The following CACNB4 variants were observed in gnomAD, a reference collection of about 807,000 sequenced individuals.
CACNB4 encodes the protein voltage-dependent L-type calcium channel subunit beta-4.
In CACNB4, 32 loss-of-function variants were observed where a neutral mutation model predicts 71.2. The ratio of observed to expected loss-of-function variants is 0.45; its 90% CI spans 0.34 to 0.60. The LOEUF (loss-of-function observed/expected upper bound fraction) is 0.60. CACNB4 is among the 20% of genes least tolerant of loss of function. The pLI is 0.01. For synonymous variants in CACNB4, 231 were observed against 236.9 expected (o/e 0.97, Z 0.23); for missense variants, 464 against 647.9 (o/e 0.72, Z 3.08).
At chr2:152,054,922 T>C (rs1685647259) in intron 2 of CACNB4, among the ~76,000 whole-genome samples, 1 of 152,186 alleles carries the variant, frequency 6.6e-6, no homozygotes, top group Middle Eastern at 3.2e-3. Flanking sequence ...AAACGTCTTT[T>C]CTACTGAGTC....
At chr2:151,937,656 G>A (rs114638653) in intron 2 of CACNB4, among the ~76,000 whole-genome samples, 8 of 152,296 alleles carry the variant, frequency 5.3e-5, no homozygotes, top group African/African-American at 1.7e-4. Flanking sequence ...GGTCATTCAT[G>A]CTCCCCATTT....
intron 2 of CACNB4, among the ~76,000 whole-genome samples, chr2:152,076,590 C>T (rs998642044): frequency 6.6e-6 from 1 of 152,068 alleles, no homozygotes; most frequent in Non-Finnish European, 1.5e-5. Context: ...ACCCTCAGCC[C>T]TTGAATCATC....
At chr2:151,981,665 A>G (rs1178219087) in intron 2 of CACNB4, among the ~76,000 whole-genome samples, 1 of 152,164 alleles carries the variant, frequency 6.6e-6, no homozygotes, top group Non-Finnish European at 1.5e-5. Flanking sequence ...TATCCCTTAA[A>G]GGCAGGAACT....
chr2:151,958,010 C>G (rs1437921923), intron 2 of CACNB4, among the ~76,000 whole-genome samples: 1 of 152,130 alleles, frequency 6.6e-6, no homozygotes, highest in Non-Finnish European at 1.5e-5. Context: ...GGAATGCTAA[C>G]AGATATTAGT....
chr2:151,932,233 C>A (rs6743872), intron 2 of CACNB4, among the ~76,000 whole-genome samples: 49,373 of 151,468 alleles, frequency 0.33, 10,161 homozygotes, highest in African/African-American at 0.58. Context: ...ACTAAAATTA[C>A]AAATTATAAG....
intron 2 of CACNB4, among the ~76,000 whole-genome samples, chr2:152,068,316 T>C (rs138547100): frequency 1.6e-3 from 240 of 152,286 alleles, no homozygotes; most frequent in African/African-American, 5.6e-3. Context: ...ATGAGGTAGC[T>C]GCCTAACAAG....
Position 151,903,500 on chromosome 2 carries a change from CAGAG to C in CACNB4, c.148-20134_148-20131del. Among the ~76,000 whole-genome samples, 4 of 152,050 alleles carry C rather than the reference CAGAG, an allele frequency of 2.6e-5. No individual in the cohort carries two copies. In the Middle Eastern group the frequency reaches 0.014, roughly 517 times the overall value. ...CGCCACAGCACTCCAGCCTGAGCAG[CAGAG>C]AGAGATTGTCTTAAAAAAAAAATTC... On this transcript the variant is annotated intron_variant, in intron 2 of 13. Transcript: ENST00000539935.
chr2:151,883,750 A>G, intron 2 of CACNB4: 1 of 300,182 alleles, frequency 3.3e-6, no homozygotes, highest in Non-Finnish European at 6.4e-6. Flanking sequence ...GCTTATTACA[A>G]AAGATAAATC....
intron 2 of CACNB4, chr2:151,970,937 C>T (rs2099872354): frequency 6.7e-6 from 1 of 149,234 alleles, no homozygotes; most frequent in Non-Finnish European, 1.5e-5. Context: ...AAAGGCTCCA[C>T]AGGACTCAAG....
At chr2:151,861,249 G>A (rs2099841571) in intron 9 of CACNB4, 1 of 159,214 alleles carries the variant, frequency 6.3e-6, no homozygotes, top group Admixed American at 6.5e-5. Context: ...ATTTAATGAT[G>A]CCAGTCAAAG....
chr2:152,083,439 T>C (rs916989203), intron 2 of CACNB4, among the ~76,000 whole-genome samples: 5 of 152,214 alleles, frequency 3.3e-5, no homozygotes, highest in African/African-American at 9.6e-5. Flanking sequence ...GGAACTATTG[T>C]AAGGAAGCCT....
intron 12 of CACNB4, among the ~76,000 whole-genome samples, chr2:151,847,362 T>C (rs556899928): frequency 2.5e-4 from 38 of 151,866 alleles, no homozygotes; most frequent in African/African-American, 8.9e-4. Context: ...AGACCCTGTC[T>C]CAACAAAACA....
chr2:151,877,404 G>A (rs888173721), intron 4 of CACNB4, among the ~76,000 whole-genome samples: 1 of 152,082 alleles, frequency 6.6e-6, no homozygotes, highest in East Asian at 1.9e-4. Flanking sequence ...ACTAATGTCT[G>A]GTCCTAACCT....
At chr2:152,055,016 T>G (rs2105309093) in intron 2 of CACNB4, among the ~76,000 whole-genome samples, 1 of 152,316 alleles carries the variant, frequency 6.6e-6, no homozygotes, top group South Asian at 2.1e-4. Flanking sequence ...GTGGGTTGTC[T>G]TCTTTTTTGT....
rs1022114186 is a variant in CACNB4, at chr2:151,871,146, G to A, written c.599-285C>T. 70 of 453,242 alleles carry A rather than the reference G, an allele frequency of 1.5e-4. 1 individual carries two copies. The highest frequency in any genetic ancestry group is 8.9e-4 in the African/African-American group (45 of 50,664). The allele number at this position is 453,242 out of a possible 1,614,324, so 28.1% of individuals were successfully genotyped here. On this transcript the variant is annotated intron_variant, in intron 6 of 13. Transcript: ENST00000539935. The stretch of plus-strand genomic sequence containing the variant: ...AGTTGAGAGCAACACTGGAAGTTCC[G>A]GGCCAGCCAATCACCATGGGTTGTT...
chr2:151,880,479 A>C (rs1478696906), intron 4 of CACNB4: 2 of 346,482 alleles, frequency 5.8e-6, no homozygotes, highest in Non-Finnish European at 1.1e-5. Flanking sequence ...ACATTTTCCA[A>C]AGTTGGATCC....
rs2099834726 is a variant in CACNB4 at position 151,835,555 on chromosome 2, A to G, written c.*3564T>C. 6.6e-6 allele frequency: 1 copy of G among 151,940 alleles called. No homozygotes were observed. Among genetic ancestry groups the G allele is most frequent in the African/African-American group, 2.4e-5 (1 of 41,440 alleles). The allele number at this position is 151,940 out of a possible 1,614,324, so 9.4% of individuals were successfully genotyped here. On this transcript the variant is annotated 3_prime_UTR_variant, in exon 14 of 14. Transcript: ENST00000539935. Reference sequence around the variant, plus strand: ...AGCAAATACCAAAATAAAACTGTGTAACTAAGAAAATATATACTAACATGC... The same window carrying G: ...AGCAAATACCAAAATAAAACTGTGTGACTAAGAAAATATATACTAACATGC...
At chr2:151,860,660 AG>A in intron 10 of CACNB4, 50 bp downstream of exon 10, 1 of 1,218,958 alleles carries the variant, frequency 8.2e-7, no homozygotes, top group Non-Finnish European at 1.2e-6. Flanking sequence ...ACCATGTGTC[AG>A]CCCGGTCTGT....
intron 2 of CACNB4, among the ~76,000 whole-genome samples, chr2:152,000,081 A>T (rs941496978): frequency 1.3e-5 from 2 of 152,222 alleles, no homozygotes; most frequent in Admixed American, 6.5e-5. Context: ...CTTTCCTCCC[A>T]GTCATACCTT....
Sources: gnomAD v4.1 joint callset for allele counts (sites outside exome capture counted in the v4.1 genomes callset) on GRCh38, gnomAD v4.1.1 for gene constraint, MANE v1.5 for transcripts, NCBI Gene and HGNC (gene_info 2026-07-23, HGNC 2026-07-21) for gene names.